FXR1: variants seen among roughly 807,000 people sequenced by gnomAD.
The protein encoded by FXR1 is RNA-binding protein FXR1.
FXR1 carries 15 observed loss-of-function variants against 84.0 expected under a neutral mutation model. The observed-to-expected ratio is 0.18, with a 90% CI of 0.12 to 0.27. FXR1 has a LOEUF of 0.27. Among genes scored for constraint, FXR1 ranks in the 10% least tolerant of loss-of-function variants. The pLI, the probability that FXR1 is intolerant of heterozygous loss-of-function variation, is 1.00. For synonymous variants in FXR1, 245 were observed against 250.7 expected (o/e 0.98, Z 0.21); for missense variants, 480 against 774.4 (o/e 0.62, Z 4.51).
At chr3:180,943,831 G>T (rs1278036790) in intron 3 of FXR1, among the ~76,000 whole-genome samples, 2 of 152,136 alleles carry the variant, frequency 1.3e-5, no homozygotes, top group Non-Finnish European at 2.9e-5. Flanking sequence ...AGCAAATGAG[G>T]CTTGATTTAC....
intron 2 of FXR1, 45 bp downstream of exon 2, chr3:180,933,431 G>T: frequency 1.8e-6 from 2 of 1,128,756 alleles, no homozygotes; most frequent in Non-Finnish European, 2.7e-6. Flanking sequence ...AGAGATGGCA[G>T]TGCCAAACTT....
chr3:180,921,370 T>C (rs1275138971), intron 1 of FXR1, among the ~76,000 whole-genome samples: 1 of 132,886 alleles, frequency 7.5e-6, no homozygotes, highest in East Asian at 2.1e-4. Flanking sequence ...AGAAACTCCA[T>C]CTAAAAAAAA....
At chr3:180,919,289 T>A (rs1973741) in intron 1 of FXR1, among the ~76,000 whole-genome samples, 1 of 42,558 alleles carries the variant, frequency 2.3e-5, no homozygotes, top group East Asian at 7.0e-4. Flanking sequence ...TTTATTTTTG[T>A]TTTTTTTTTT....
At chr3:180,971,837 G>A (rs1431418310) in intron 15 of FXR1, 3 of 152,570 alleles carry the variant, frequency 2.0e-5, no homozygotes, top group Non-Finnish European at 4.4e-5. Context: ...TGTGTACAGA[G>A]AATCACATGT....
At chr3:180,974,568 T>A (rs1466399623) in intron 15 of FXR1, among the ~76,000 whole-genome samples, 1 of 152,170 alleles carries the variant, frequency 6.6e-6, no homozygotes, top group Non-Finnish European at 1.5e-5. Context: ...GGGTTTAGTC[T>A]TTTTCCTAAT....
intron 1 of FXR1, chr3:180,914,980 C>CCTGGATTTGA (rs1318208710): frequency 1.0e-6 from 1 of 964,058 alleles, no homozygotes; most frequent in Non-Finnish European, 1.2e-6. Flanking sequence ...TTGAAGTAAA[C>CCTGGATTTGA]AGATGAGAAT....
At chr3:180,934,707 T>A (rs1458689523) in intron 2 of FXR1, among the ~76,000 whole-genome samples, 1 of 152,228 alleles carries the variant, frequency 6.6e-6, no homozygotes, top group East Asian at 1.9e-4. Flanking sequence ...TATATGAAAT[T>A]GTGTTTCCTT....
intron 1 of FXR1, among the ~76,000 whole-genome samples, chr3:180,930,023 T>C (rs1293102744): frequency 6.6e-6 from 1 of 152,210 alleles, no homozygotes; most frequent in Non-Finnish European, 1.5e-5. Context: ...CCCAGCACTT[T>C]GGGAAGCCAA....
At position 180,976,451 on chromosome 3, in the gene FXR1, T is replaced by C. The variant is rs568675194; in HGVS notation, c.*159T>C. On this transcript the variant is annotated 3_prime_UTR_variant, in exon 17 of 17. Transcript: ENST00000357559. ...GGGGAGGGATCCTGAAGAAATCATA[T>C]GTTAAACATACTTTGACACCTACTG... 3.8e-6 allele frequency: 2 copies of C among 523,488 alleles called. No homozygotes were observed. Among genetic ancestry groups the C allele is most frequent in the East Asian group, 6.3e-5 (2 of 31,898 alleles). The allele number at this position is 523,488 out of a possible 1,614,324, so 32.4% of individuals were successfully genotyped here.
chr3:180,924,863 G>A (rs1047000475), intron 1 of FXR1, among the ~76,000 whole-genome samples: 4 of 152,098 alleles, frequency 2.6e-5, no homozygotes, highest in Admixed American at 2.6e-4. Flanking sequence ...AAGAAGAAAT[G>A]TGCCAATTAA....
intron 1 of FXR1, chr3:180,915,114 T>G (rs1717726978): frequency 5.0e-6 from 1 of 198,958 alleles, no homozygotes; most frequent in Non-Finnish European, 9.7e-6. Flanking sequence ...ATTAAACTGC[T>G]GACTTGAAAA....
At chr3:180,961,615 T>A in intron 11 of FXR1, 61 bp downstream of exon 11, 2 of 734,470 alleles carry the variant, frequency 2.7e-6, no homozygotes, top group Non-Finnish European at 4.7e-6. Flanking sequence ...ATAAATGTTG[T>A]ACATTTGCTA....
rs1714366487 is a variant in FXR1, at chr3:180,977,694, G to C, written c.*1402G>C. ...AGGCTTTGTTCCACAATATTATATG[G>C]ACCACTGAACAAGAATGACAGCCCT... is the stretch of plus-strand genomic sequence containing the variant. On this transcript the variant is annotated 3_prime_UTR_variant, in exon 17 of 17. Transcript: ENST00000357559. The C allele has an allele frequency of 1.3e-5, 2 of 152,004 alleles. No homozygotes were observed. The highest frequency in any genetic ancestry group is 1.3e-4 in the Admixed American group (2 of 15,240). 9.4% of individuals were successfully genotyped at this position (152,004 alleles called of 1,614,324 possible).
At chr3:180,960,933 A>G (rs192326739) in intron 10 of FXR1, among the ~76,000 whole-genome samples, 1 of 152,298 alleles carries the variant, frequency 6.6e-6, no homozygotes, top group East Asian at 1.9e-4. Flanking sequence ...CAAGTTATTG[A>G]AAATCTGAGT....
At chr3:180,973,644 T>A (rs1577010269) in intron 15 of FXR1, among the ~76,000 whole-genome samples, 1 of 152,218 alleles carries the variant, frequency 6.6e-6, no homozygotes, top group African/African-American at 2.4e-5. Flanking sequence ...GCAATGAATT[T>A]AAATAATTTA....
intron 1 of FXR1, among the ~76,000 whole-genome samples, chr3:180,920,850 T>A: frequency 6.6e-6 from 1 of 152,314 alleles, no homozygotes; most frequent in Middle Eastern, 3.4e-3. Flanking sequence ...TGTTAACTTA[T>A]TCCATTTCAA....
intron 3 of FXR1, among the ~76,000 whole-genome samples, chr3:180,946,704 A>C (rs942433783): frequency 1.3e-5 from 2 of 152,164 alleles, no homozygotes; most frequent in Non-Finnish European, 2.9e-5. Context: ...CAGTATTCCT[A>C]CCACTTCCAA....
At chr3:180,953,888 T>A (rs756850949) in intron 9 of FXR1, 48 bp downstream of exon 9, 43 of 935,130 alleles carry the variant, frequency 4.6e-5, no homozygotes, top group Admixed American at 7.4e-5. Flanking sequence ...CATTATTTAG[T>A]TACATATAGC....
chr3:180,930,344 AT>A (rs1719742245), intron 1 of FXR1, among the ~76,000 whole-genome samples: 1 of 152,152 alleles, frequency 6.6e-6, no homozygotes, highest in Admixed American at 6.5e-5. Flanking sequence ...ACTGATGTTT[AT>A]GGTGGAAGCG....
Sources: allele counts gnomAD v4.1 joint callset (sites outside exome capture counted in the v4.1 genomes callset), GRCh38; gene constraint gnomAD v4.1.1; transcripts MANE v1.5; gene names NCBI Gene and HGNC (gene_info 2026-07-23, HGNC 2026-07-21).